The following KIAA1958 variants were observed in gnomAD, a reference collection of about 807,000 sequenced individuals.
KIAA1958 encodes uncharacterized protein KIAA1958.
A neutral mutation model predicts 47.2 loss-of-function variants in KIAA1958; 14 were observed. The ratio of observed to expected loss-of-function variants is 0.30; its 90% CI spans 0.20 to 0.46. The LOEUF (loss-of-function observed/expected upper bound fraction) is 0.46, where lower values mean the gene tolerates loss of function less well. Among genes scored for constraint, KIAA1958 ranks in the 20% least tolerant of loss-of-function variants. The pLI, the probability that KIAA1958 is intolerant of heterozygous loss-of-function variation, is 1.00. For synonymous variants in KIAA1958, 354 were observed against 353.3 expected, an observed-to-expected ratio of 1.00 and a Z score of -0.02; for missense variants, 803 against 909.2, an observed-to-expected ratio of 0.88 and a Z score of 1.50.
intron 2 of KIAA1958, among the ~76,000 whole-genome samples, chr9:112,589,616 G>C (rs1835884747): frequency 6.6e-6 from 1 of 152,214 alleles, no homozygotes; most frequent in South Asian, 2.1e-4. Flanking sequence ...AATCTGGTGT[G>C]GGTTCCTGCT....
At chr9:112,524,419 T>C (rs1244942435) in intron 1 of KIAA1958, among the ~76,000 whole-genome samples, 1 of 152,254 alleles carries the variant, frequency 6.6e-6, no homozygotes, top group African/African-American at 2.4e-5. Context: ...TCGGAAAATA[T>C]GGAGCGACTG....
rs1837290188 is a variant in KIAA1958, at chr9:112,662,354, A to G, written c.*2285A>G. 6.6e-6 allele frequency: 1 copy of G among 152,276 alleles called. No homozygotes were observed. Among genetic ancestry groups the G allele is most frequent in the Non-Finnish European group, 1.5e-5 (1 of 68,046 alleles). 9.4% of individuals were successfully genotyped at this position (152,276 alleles called of 1,614,324 possible). Reference sequence around the variant, plus strand: ...AGTGAGGAAGAAAACACAGTCATCAAGTGCCAGCGTGTGCCACCCATTGTA... The same window carrying G: ...AGTGAGGAAGAAAACACAGTCATCAGGTGCCAGCGTGTGCCACCCATTGTA... On this transcript the variant is annotated 3_prime_UTR_variant, in exon 4 of 4. Coordinates refer to ENST00000337530, the MANE Select transcript of KIAA1958 (RefSeq NM_133465.4).
chr9:112,632,162 C>T (rs911424506), intron 2 of KIAA1958, among the ~76,000 whole-genome samples: 5 of 151,970 alleles, frequency 3.3e-5, no homozygotes, highest in African/African-American at 1.2e-4. Context: ...GATGTGTCTC[C>T]TTCCAAATTT....
intron 3 of KIAA1958, among the ~76,000 whole-genome samples, chr9:112,647,475 C>A (rs915632892): frequency 4.7e-5 from 7 of 150,408 alleles, no homozygotes; most frequent in African/African-American, 1.2e-4. Context: ...AACAAACAAA[C>A]AAAAAAAACA....
At chr9:112,623,689 C>T (rs568790058) in intron 2 of KIAA1958, among the ~76,000 whole-genome samples, 30 of 152,302 alleles carry the variant, frequency 2.0e-4, no homozygotes, top group African/African-American at 6.7e-4. Flanking sequence ...AAACACCTAA[C>T]TTTGTCATGG....
At chr9:112,610,166 TA>T (rs1836301385) in intron 2 of KIAA1958, among the ~76,000 whole-genome samples, 1 of 151,910 alleles carries the variant, frequency 6.6e-6, no homozygotes, top group Non-Finnish European at 1.5e-5. Flanking sequence ...AGTAACTAGA[TA>T]AAAATAATCA....
At chr9:112,619,613 T>C (rs1836466212) in intron 2 of KIAA1958, among the ~76,000 whole-genome samples, 1 of 152,180 alleles carries the variant, frequency 6.6e-6, no homozygotes, top group African/African-American at 2.4e-5. Context: ...AGATACATGA[T>C]TTTAAAATAA....
chr9:112,629,093 C>G (rs1836667187), intron 2 of KIAA1958, among the ~76,000 whole-genome samples: 1 of 152,130 alleles, frequency 6.6e-6, no homozygotes, highest in Non-Finnish European at 1.5e-5. Context: ...AATCTTAAGA[C>G]TGTGTTTAAG....
At chr9:112,587,134 C>T (rs1835840166) in intron 2 of KIAA1958, among the ~76,000 whole-genome samples, 1 of 152,104 alleles carries the variant, frequency 6.6e-6, no homozygotes, top group Admixed American at 6.6e-5. Context: ...TGTATTAGAA[C>T]CAGAAGTATT....
rs540668974 is a variant in KIAA1958 at position 112,574,564 on chromosome 9, C to T, written c.484C>T (p.Pro162Ser). The change falls in exon 2 of 4, where the codon CCC becomes TCC. Residue 162 changes from proline (P) to serine (S), a missense_variant. Physicochemically the swap from Pro to Ser is moderately conservative, Grantham distance 74. Around this residue, in one of 2 missense-constraint regions of KIAA1958, gnomAD observed 761 missense variants for 829.3 expected, o/e 0.92. Transcript: ENST00000337530. ...TACAGATGAGGATAGTGACTTTGAA[C>T]CCCAAACCCAAAGGCCTCAAAGCAT... is the stretch of plus-strand genomic sequence containing the variant. ...SVTDEDSDFE[P>S]QTQRPQSIAR... The T allele has an allele frequency of 4.3e-6, 7 of 1,613,984 alleles. No individual in the cohort carries two copies. The highest frequency in any genetic ancestry group is 5.9e-6 in the Non-Finnish European group (7 of 1,180,030).
chr9:112,631,866 A>G (rs1312439368), intron 2 of KIAA1958, among the ~76,000 whole-genome samples: 1 of 152,168 alleles, frequency 6.6e-6, no homozygotes, highest in African/African-American at 2.4e-5. Flanking sequence ...AGATGTGCCA[A>G]AATCTATTTT....
Position 112,616,474 on chromosome 9 carries a change from G to T in KIAA1958, c.1172-29176G>T, listed in dbSNP as rs1008630954. ...ATTTTATCATTGGATGTGGTAATTA[G>T]AAAGACTTCCGCTAAGCAGTCTTAC... On this transcript the variant is annotated intron_variant, in intron 2 of 3. Transcript: ENST00000337530. Among the ~76,000 whole-genome samples, 3 of 152,132 alleles carry T rather than the reference G, an allele frequency of 2.0e-5. No homozygotes were observed. In the South Asian group the frequency reaches 6.2e-4, roughly 32 times the overall value.
intron 2 of KIAA1958, among the ~76,000 whole-genome samples, chr9:112,590,584 T>G (rs1049991739): frequency 6.6e-6 from 1 of 152,090 alleles, no homozygotes; most frequent in Non-Finnish European, 1.5e-5. Flanking sequence ...ACTCCTGACC[T>G]CAGGTGATCC....
intron 2 of KIAA1958, among the ~76,000 whole-genome samples, 179 bp from the exon 3 acceptor site, chr9:112,645,470 AT>A: frequency 6.6e-6 from 1 of 152,310 alleles, no homozygotes; most frequent in East Asian, 1.9e-4. Flanking sequence ...TGCTATAAGT[AT>A]TGTTCCCTAC....
At chr9:112,529,574 C>T (rs1230096657) in intron 1 of KIAA1958, among the ~76,000 whole-genome samples, 1 of 152,114 alleles carries the variant, frequency 6.6e-6, no homozygotes, top group Non-Finnish European at 1.5e-5. Context: ...ATTTGGGTTA[C>T]AATTTGGGTT....
intron 1 of KIAA1958, among the ~76,000 whole-genome samples, chr9:112,533,674 G>A (rs1274546404): frequency 6.6e-6 from 1 of 152,032 alleles, no homozygotes; most frequent in East Asian, 1.9e-4. Flanking sequence ...AAATCATGGT[G>A]GAAGGCACCT....
In KIAA1958 at chr9:112,668,710, T is replaced by C. The variant is rs748854367; in HGVS notation, c.*8641T>C. The C allele has an allele frequency of 6.6e-6, 1 of 152,200 alleles. No homozygotes were observed. The highest frequency in any genetic ancestry group is 1.5e-5 in the Non-Finnish European group (1 of 68,032). The allele number at this position is 152,200 out of a possible 1,614,324, so 9.4% of individuals were successfully genotyped here. Reference sequence around the variant, plus strand: ...AGCATGTTTGCTTTAAATTTAGCAATAGAATAGGCAATGGACTGCTTTGCA... The same window carrying C: ...AGCATGTTTGCTTTAAATTTAGCAACAGAATAGGCAATGGACTGCTTTGCA... On this transcript the variant is annotated 3_prime_UTR_variant, in exon 4 of 4. Coordinates refer to ENST00000337530, the MANE Select transcript of KIAA1958 (RefSeq NM_133465.4).
At chr9:112,638,674 T>A (rs1046007523) in intron 2 of KIAA1958, among the ~76,000 whole-genome samples, 4 of 152,220 alleles carry the variant, frequency 2.6e-5, no homozygotes, top group Admixed American at 1.3e-4. Flanking sequence ...CCAATATTTT[T>A]AAAATATTGC....
chr9:112,604,974 A>G (rs1836202943), intron 2 of KIAA1958, among the ~76,000 whole-genome samples: 1 of 147,358 alleles, frequency 6.8e-6, no homozygotes, highest in Non-Finnish European at 1.5e-5. Flanking sequence ...ATTTTTATAT[A>G]TTATATATTT....
Sources: allele counts gnomAD v4.1 joint callset (sites outside exome capture counted in the v4.1 genomes callset), GRCh38; gene constraint gnomAD v4.1.1; regional missense constraint gnomAD v4.1.1; transcripts MANE v1.5; gene names NCBI Gene and HGNC (gene_info 2026-07-23, HGNC 2026-07-21).